Variants in RCAN2 observed in about 807,000 individuals in gnomAD.
The protein encoded by RCAN2 is regulator of calcineurin 2, also known as calcipressin-2.
A neutral mutation model predicts 23.6 loss-of-function variants in RCAN2; 9 were observed. That is an observed-to-expected ratio of 0.38 (90% confidence interval 0.23 to 0.67). The LOEUF (loss-of-function observed/expected upper bound fraction) is 0.67, where lower values mean the gene tolerates loss of function less well. Ranked by LOEUF, RCAN2 falls within the 30% of genes least tolerant of loss-of-function variation. RCAN2 has a pLI of 0.51. For synonymous variants in RCAN2, 109 were observed against 115.7 expected (o/e 0.94, Z 0.37); for missense variants, 273 against 302.3 (o/e 0.90, Z 0.72).
At chr6:46,374,855 GA>G (rs71536384) in intron 2 of RCAN2, among the ~76,000 whole-genome samples, 107 of 151,198 alleles carry the variant, frequency 7.1e-4, no homozygotes, top group Middle Eastern at 3.4e-3. Context: ...GCTGGCAAAA[GA>G]AAAAAAAATC....
chr6:46,395,889 C>T (rs150514470), intron 2 of RCAN2, among the ~76,000 whole-genome samples: 2 of 152,270 alleles, frequency 1.3e-5, no homozygotes, highest in East Asian at 1.9e-4. Context: ...AAGCTGATCC[C>T]GTTCTGATTG....
rs111316427 is a variant in RCAN2 at position 46,389,177 on chromosome 6, T to C, written c.225+67575A>G. ...AGAGGCTTCCTGTGACCACAGGATA[T>C]AGTCTAGATTCCATAGGAGAAAGGC... On this transcript the variant is annotated intron_variant, in intron 2 of 4. Coordinates refer to ENST00000371374, the MANE Select transcript of RCAN2 (RefSeq NM_001251974.2). 5.0e-3 allele frequency among the ~76,000 whole-genome samples: 758 copies of C among 152,246 alleles called. 5 individuals carry two copies. Among genetic ancestry groups the C allele is most frequent in the African/African-American group, 0.017 (723 of 41,542 alleles).
intron 2 of RCAN2, among the ~76,000 whole-genome samples, chr6:46,314,340 C>A (rs1170163440): frequency 9.0e-6 from 1 of 111,264 alleles, no homozygotes; most frequent in Non-Finnish European, 1.7e-5. Context: ...AAAGCCTGGG[C>A]AACAGAGTGA....
At chr6:46,325,535 G>A in intron 2 of RCAN2, 2 of 1,607,754 alleles carry the variant, frequency 1.2e-6, no homozygotes, top group Non-Finnish European at 1.7e-6. Flanking sequence ...GGGAGTGAAG[G>A]GAAGAGCTTC....
At chr6:46,455,578 C>G (rs958428500) in intron 2 of RCAN2, among the ~76,000 whole-genome samples, 1 of 151,820 alleles carries the variant, frequency 6.6e-6, no homozygotes, top group Admixed American at 6.6e-5. Flanking sequence ...AAGCCTCAGC[C>G]GGGCGCAGTG....
intron 2 of RCAN2, among the ~76,000 whole-genome samples, chr6:46,361,306 G>C (rs1219154818): frequency 1.3e-5 from 2 of 152,168 alleles, no homozygotes; most frequent in Non-Finnish European, 2.9e-5. Context: ...AAGAAGCCCA[G>C]CAGAGTAGCT....
chr6:46,282,868 CT>C (rs1328778937), intron 2 of RCAN2, among the ~76,000 whole-genome samples: 2 of 152,200 alleles, frequency 1.3e-5, no homozygotes, highest in Non-Finnish European at 2.9e-5. Context: ...TCAAATCTGC[CT>C]TTTCCTCTAA....
intron 2 of RCAN2, among the ~76,000 whole-genome samples, chr6:46,286,895 C>T (rs1762391901): frequency 6.6e-6 from 1 of 152,060 alleles, no homozygotes; most frequent in African/African-American, 2.4e-5. Flanking sequence ...ATCCCAGCTA[C>T]TCGGGAGGCT....
At chr6:46,397,677 A>T (rs1245053660) in intron 2 of RCAN2, among the ~76,000 whole-genome samples, 1 of 152,190 alleles carries the variant, frequency 6.6e-6, no homozygotes, top group East Asian at 1.9e-4. Context: ...GTAAAAAAAT[A>T]AATGCCCTAT....
intron 2 of RCAN2, among the ~76,000 whole-genome samples, chr6:46,405,437 C>T (rs1012075837): frequency 1.8e-4 from 27 of 152,152 alleles, no homozygotes; most frequent in Non-Finnish European, 3.1e-4. Context: ...AGCCCAGTGG[C>T]CTGTTTTGTC....
At chr6:46,332,294 A>G (rs183098812) in intron 2 of RCAN2, among the ~76,000 whole-genome samples, 4 of 152,110 alleles carry the variant, frequency 2.6e-5, no homozygotes, top group African/African-American at 9.6e-5. Context: ...CTCATTTTAA[A>G]AATTCTTTTT....
chr6:46,305,028 C>G (rs367898264), intron 2 of RCAN2, among the ~76,000 whole-genome samples: 1 of 152,028 alleles, frequency 6.6e-6, no homozygotes, highest in African/African-American at 2.4e-5. Flanking sequence ...TCTCCTAGTC[C>G]CACCTAACTC....
chr6:46,306,885 T>C (rs901308983), intron 2 of RCAN2, among the ~76,000 whole-genome samples: 1 of 152,290 alleles, frequency 6.6e-6, no homozygotes, highest in Middle Eastern at 3.4e-3. Flanking sequence ...TAGCATACTA[T>C]ATAACTTATC....
chr6:46,248,971 C>A (rs1766616280), intron 2 of RCAN2, 75 bp from the exon 3 acceptor site: 1 of 1,030,924 alleles, frequency 9.7e-7, no homozygotes, highest in Non-Finnish European at 1.4e-6. Context: ...CTGATAAAAA[C>A]AAACAACTAA....
chr6:46,396,252 G>C (rs536020402), intron 2 of RCAN2, among the ~76,000 whole-genome samples: 149 of 152,234 alleles, frequency 9.8e-4, no homozygotes, highest in African/African-American at 3.2e-3. Flanking sequence ...AAAGTGATGG[G>C]ACCAAGCACA....
At chr6:46,362,941 C>G (rs894347321) in intron 2 of RCAN2, among the ~76,000 whole-genome samples, 8 of 152,060 alleles carry the variant, frequency 5.3e-5, no homozygotes, top group Admixed American at 5.2e-4. Flanking sequence ...TACCTGGTAC[C>G]TGTATTGTGC....
At chr6:46,368,409 C>T (rs945509594) in intron 2 of RCAN2, among the ~76,000 whole-genome samples, 1 of 152,178 alleles carries the variant, frequency 6.6e-6, no homozygotes. Context: ...ATACACACCC[C>T]TTTCCCCACC....
At chr6:46,409,269 A>G (rs888526019) in intron 2 of RCAN2, among the ~76,000 whole-genome samples, 19 of 152,194 alleles carry the variant, frequency 1.2e-4, no homozygotes, top group Admixed American at 1.2e-3. Context: ...ATAACTAAAA[A>G]TCACATTTAG....
chr6:46,428,951 C>T (rs1415932441), intron 2 of RCAN2, among the ~76,000 whole-genome samples: 1 of 152,046 alleles, frequency 6.6e-6, no homozygotes, highest in Non-Finnish European at 1.5e-5. Context: ...ATTCATATGG[C>T]CAATGTGTCA....
Sources: gnomAD v4.1 joint callset for allele counts (sites outside exome capture counted in the v4.1 genomes callset) on GRCh38, gnomAD v4.1.1 for gene constraint, MANE v1.5 for transcripts, NCBI Gene and HGNC (gene_info 2026-07-23, HGNC 2026-07-21) for gene names.